The following PHLPP1 variants were observed in gnomAD, a reference collection of about 807,000 sequenced individuals.
PHLPP1 encodes PH domain leucine-rich repeat-containing protein phosphatase 1.
Under a neutral mutation model 117.2 loss-of-function variants are expected in PHLPP1, and 42 were observed. The ratio of observed to expected loss-of-function variants is 0.36; its 90% CI spans 0.28 to 0.46. The LOEUF is 0.46. PHLPP1 is among the 20% of genes least tolerant of loss of function. The pLI, the probability that PHLPP1 is intolerant of heterozygous loss-of-function variation, is 1.00. For missense variants in PHLPP1, 2,084 were observed against 2,241.9 expected, an observed-to-expected ratio of 0.93 and a Z score of 1.42; for synonymous variants, 1,042 against 970.7, an observed-to-expected ratio of 1.07 and a Z score of -1.37.
intron 2 of PHLPP1, among the ~76,000 whole-genome samples, chr18:62,834,285 C>T (rs554545341): frequency 6.6e-6 from 1 of 152,156 alleles, no homozygotes; most frequent in South Asian, 2.1e-4. Context: ...GCTCATTGGC[C>T]AGAACTAGTC....
chr18:62,954,730 A>G (rs1255781226), intron 12 of PHLPP1, among the ~76,000 whole-genome samples: 1 of 152,216 alleles, frequency 6.6e-6, no homozygotes, highest in Non-Finnish European at 1.5e-5. Context: ...ATAAACTATG[A>G]TATTTAAAAT....
At chr18:62,745,572 A>G (rs961752615) in intron 1 of PHLPP1, among the ~76,000 whole-genome samples, 4 of 152,168 alleles carry the variant, frequency 2.6e-5, no homozygotes, top group African/African-American at 7.2e-5. Context: ...CACATAGTGC[A>G]GTGGTGAGTG....
intron 4 of PHLPP1, among the ~76,000 whole-genome samples, chr18:62,880,070 G>GA (rs2144382965): frequency 6.6e-6 from 1 of 152,208 alleles, no homozygotes; most frequent in East Asian, 1.9e-4. Flanking sequence ...CCTGGAGGGT[G>GA]AAAACCATGT....
chr18:62,864,568 T>A (rs1211440879), intron 4 of PHLPP1, among the ~76,000 whole-genome samples: 2 of 152,156 alleles, frequency 1.3e-5, no homozygotes, highest in Non-Finnish European at 2.9e-5. Flanking sequence ...AAGAAAACAT[T>A]CAGTAAGCTT....
intron 4 of PHLPP1, among the ~76,000 whole-genome samples, chr18:62,891,173 G>T (rs1011373883): frequency 5.3e-5 from 8 of 152,192 alleles, no homozygotes; most frequent in African/African-American, 1.9e-4. Flanking sequence ...TTAACTGGAT[G>T]TACTGTGTTT....
At chr18:62,832,746 G>A (rs1173783088) in intron 2 of PHLPP1, among the ~76,000 whole-genome samples, 3 of 140,414 alleles carry the variant, frequency 2.1e-5, no homozygotes, top group African/African-American at 9.3e-5. Context: ...TTTGTCTGTT[G>A]TTGTTTTTTT....
At chr18:62,874,649 GCACGCGCGCACACACACA>G (rs1365582570) in intron 4 of PHLPP1, among the ~76,000 whole-genome samples, 2 of 96,396 alleles carry the variant, frequency 2.1e-5, no homozygotes, top group Non-Finnish European at 4.9e-5. Context: ...GGGCGCGCAC[GCACGCGCGCACACACACA>G]CACACACACA....
At position 62,979,564 on chromosome 18, in the gene PHLPP1, T is replaced by C. The variant is rs1176419628; in HGVS notation, c.*133T>C. 2.1e-6 allele frequency: 2 copies of C among 964,542 alleles called. No homozygotes were observed. The highest frequency in any genetic ancestry group is 1.7e-5 in the African/African-American group (1 of 60,318). 59.7% of individuals were successfully genotyped at this position (964,542 alleles called of 1,614,324 possible). A position where few individuals can be genotyped will look rare whatever the true frequency, so the allele number is the denominator to read the frequency against. ...ACTGTTCCCAACCTGTCATCGCAGC[T>C]AATCTGTAGGTTCTCTTTCTTTGGG... On this transcript the variant is annotated 3_prime_UTR_variant, in exon 17 of 17. Coordinates refer to ENST00000262719, the MANE Select transcript of PHLPP1 (RefSeq NM_194449.4).
intron 2 of PHLPP1, among the ~76,000 whole-genome samples, chr18:62,834,456 A>G (rs1914836237): frequency 6.6e-6 from 1 of 152,158 alleles, no homozygotes; most frequent in South Asian, 2.1e-4. Context: ...TGCATAGGGG[A>G]CAATGAAGAA....
chr18:62,768,569 T>A (rs75521980), intron 1 of PHLPP1, among the ~76,000 whole-genome samples: 5 of 152,324 alleles, frequency 3.3e-5, no homozygotes, highest in African/African-American at 1.2e-4. Flanking sequence ...GAAAATAAGT[T>A]GGAAAATTCT....
intron 3 of PHLPP1, among the ~76,000 whole-genome samples, chr18:62,852,539 T>G (rs1915383955): frequency 6.6e-6 from 1 of 152,072 alleles, no homozygotes; most frequent in Non-Finnish European, 1.5e-5. Flanking sequence ...GAGACGGGGT[T>G]TCACTGTGTT....
intron 3 of PHLPP1, among the ~76,000 whole-genome samples, chr18:62,848,328 A>T (rs572932076): frequency 6.6e-6 from 1 of 152,200 alleles, no homozygotes; most frequent in African/African-American, 2.4e-5. Flanking sequence ...AGTGACAACA[A>T]TAATGCACAT....
At chr18:62,913,830 G>A (rs1451416588) in intron 8 of PHLPP1, among the ~76,000 whole-genome samples, 1 of 138,176 alleles carries the variant, frequency 7.2e-6, no homozygotes, top group Non-Finnish European at 1.5e-5. Context: ...GGCAACCTCC[G>A]CCTCCCGGGT....
intron 12 of PHLPP1, among the ~76,000 whole-genome samples, chr18:62,953,531 A>G (rs532252): frequency 0.41 from 62,771 of 152,054 alleles, 13,172 homozygotes; most frequent in East Asian, 0.62. Flanking sequence ...TACTTCTGCC[A>G]TATCGTTGAT....
At chr18:62,741,050 C>G (rs1911511971) in intron 1 of PHLPP1, among the ~76,000 whole-genome samples, 1 of 152,006 alleles carries the variant, frequency 6.6e-6, no homozygotes, top group Non-Finnish European at 1.5e-5. Context: ...ATTTTATATT[C>G]CCGTAGCAAA....
At chr18:62,920,222 C>A in intron 10 of PHLPP1, 108 bp downstream of exon 10, 1 of 1,072,886 alleles carries the variant, frequency 9.3e-7, no homozygotes, top group Non-Finnish European at 1.3e-6. Context: ...ATGTATCTGT[C>A]CCAGATTTGT....
intron 6 of PHLPP1, among the ~76,000 whole-genome samples, chr18:62,901,910 G>C (rs1916734605): frequency 6.6e-6 from 1 of 152,104 alleles, no homozygotes; most frequent in Non-Finnish European, 1.5e-5. Context: ...TTACAGGTGT[G>C]AGCCATCGCA....
chr18:62,882,295 G>A (rs1219049880), intron 4 of PHLPP1, among the ~76,000 whole-genome samples: 1 of 148,552 alleles, frequency 6.7e-6, no homozygotes, highest in Non-Finnish European at 1.5e-5. Flanking sequence ...TTGAGATGGT[G>A]TCTTGCTCTG....
In PHLPP1 at chr18:62,788,643, G is replaced by C. The variant is rs111832069; in HGVS notation, c.1577-41392G>C. On this transcript the variant is annotated intron_variant, in intron 1 of 16. Coordinates refer to ENST00000262719, the MANE Select transcript of PHLPP1 (RefSeq NM_194449.4). ...TCACCATAAATTGTAATTAAAACTT[G>C]TACATCTTATGTTTTTCAAAACATC... is the stretch of plus-strand genomic sequence containing the variant. Among the ~76,000 whole-genome samples, 573 of 151,980 alleles carry C rather than the reference G, an allele frequency of 3.8e-3. 3 individuals are homozygous for C. Among genetic ancestry groups the C allele is most frequent in the Middle Eastern group, 0.01 (3 of 294 alleles).
Sources: allele counts gnomAD v4.1 joint callset (sites outside exome capture counted in the v4.1 genomes callset), GRCh38; gene constraint gnomAD v4.1.1; transcripts MANE v1.5; gene names NCBI Gene and HGNC (gene_info 2026-07-23, HGNC 2026-07-21).